ETF1: variants seen among roughly 807,000 people sequenced by gnomAD.
The protein encoded by ETF1 is eukaryotic peptide chain release factor subunit 1.
In ETF1, 4 loss-of-function variants were observed where a neutral mutation model predicts 55.1. The ratio of observed to expected loss-of-function variants is 0.07; its 90% CI spans 0.04 to 0.17. ETF1 has a LOEUF of 0.17. Ranked by LOEUF, ETF1 falls within the 10% of genes least tolerant of loss-of-function variation. The pLI is 1.00. For missense variants in ETF1, 142 were observed against 523.6 expected (o/e 0.27, Z 7.11); for synonymous variants, 157 against 182.3 (o/e 0.86, Z 1.12).
chr5:138,536,423 A>ATCATCAT (rs1765933101), intron 2 of ETF1, among the ~76,000 whole-genome samples: 1 of 152,156 alleles, frequency 6.6e-6, no homozygotes. Flanking sequence ...CATAAGATAA[A>ATCATCAT]ACCGTATCAG....
intron 4 of ETF1, among the ~76,000 whole-genome samples, chr5:138,516,679 T>C (rs964435677): frequency 6.6e-6 from 1 of 152,194 alleles, no homozygotes; most frequent in East Asian, 1.9e-4. Flanking sequence ...TAAATGTAAA[T>C]TGCCTTACTT....
intron 2 of ETF1, among the ~76,000 whole-genome samples, chr5:138,521,515 C>T (rs954838033): frequency 6.6e-6 from 1 of 152,056 alleles, no homozygotes; most frequent in Non-Finnish European, 1.5e-5. Flanking sequence ...ACTACTTAGT[C>T]CATTTATAAC....
At chr5:138,540,316 C>T (rs918353116) in intron 2 of ETF1, among the ~76,000 whole-genome samples, 1 of 152,176 alleles carries the variant, frequency 6.6e-6, no homozygotes, top group Non-Finnish European at 1.5e-5. Context: ...TGCCTGAAAA[C>T]CTCAGTTTCC....
intron 2 of ETF1, among the ~76,000 whole-genome samples, chr5:138,535,394 G>A (rs1219451053): frequency 3.3e-5 from 5 of 151,590 alleles, no homozygotes; most frequent in East Asian, 2.0e-4. Flanking sequence ...GCAGTGGCAC[G>A]ATCTCGGCTC....
chr5:138,509,671 G>T (rs1292321705), intron 9 of ETF1, among the ~76,000 whole-genome samples: 1 of 151,600 alleles, frequency 6.6e-6, no homozygotes, highest in African/African-American at 2.4e-5. Flanking sequence ...AAGGCAGGTG[G>T]ATCACCTGAG....
rs1001932610 is a variant in ETF1 at position 138,510,963 on chromosome 5, A to C, written c.1018+82T>G. 4 of 1,556,392 alleles carry C rather than the reference A, an allele frequency of 2.6e-6. No homozygotes were observed. In the Admixed American group the frequency reaches 7.6e-5, roughly 29 times the overall value. On this transcript the variant is annotated intron_variant, in intron 8 of 10. Coordinates refer to ENST00000360541, the MANE Select transcript of ETF1 (RefSeq NM_004730.4). ...TAGATCTACCTTCTGATTGCTCCTGAAATCAGCCATCCCTCCCAAATCTCC... is the reference window on the plus strand; with the variant it reads ...TAGATCTACCTTCTGATTGCTCCTGCAATCAGCCATCCCTCCCAAATCTCC...
intron 6 of ETF1, among the ~76,000 whole-genome samples, chr5:138,512,259 T>TATTA (rs57032066): frequency 6.3e-5 from 1 of 15,796 alleles, no homozygotes; most frequent in African/African-American, 2.9e-4. Context: ...TATATATATA[T>TATTA]TTTTTTTTTT....
Position 138,512,253 on chromosome 5 carries a change from TA to T in ETF1, c.732+510del, listed in dbSNP as rs1452645234. Among the ~76,000 whole-genome samples the T allele has an allele frequency of 2.5e-3, 31 of 12,164 alleles. 1 individual carries two copies. Among genetic ancestry groups the T allele is most frequent in the African/African-American group, 0.01 (31 of 3,082 alleles). The allele number at this position is 12,164 out of a possible 152,430, so 8.0% of individuals were successfully genotyped here. ...ATATATATATATATATATATATATA[TA>T]TATATTTTTTTTTTTTTTTAAAGGC... On this transcript the variant is annotated intron_variant, in intron 6 of 10. Coordinates refer to ENST00000360541, the MANE Select transcript of ETF1 (RefSeq NM_004730.4).
intron 2 of ETF1, among the ~76,000 whole-genome samples, chr5:138,521,807 G>T (rs945677803): frequency 6.6e-6 from 1 of 152,224 alleles, no homozygotes; most frequent in African/African-American, 2.4e-5. Context: ...TGGGATTACA[G>T]GCGTGAGCCA....
At chr5:138,525,641 C>T (rs530050057) in intron 2 of ETF1, among the ~76,000 whole-genome samples, 2 of 152,092 alleles carry the variant, frequency 1.3e-5, no homozygotes, top group African/African-American at 4.8e-5. Flanking sequence ...AACCGAAGCA[C>T]ACTAAAAAAT....
At chr5:138,512,542 A>G (rs915067441) in intron 6 of ETF1, among the ~76,000 whole-genome samples, 5 of 152,106 alleles carry the variant, frequency 3.3e-5, no homozygotes, top group Admixed American at 3.3e-4. Flanking sequence ...CACAGGATCC[A>G]TAAGAAGCCC....
At chr5:138,512,070 C>CAT (rs1397620122) in intron 6 of ETF1, 1 of 158,744 alleles carries the variant, frequency 6.3e-6, no homozygotes. Flanking sequence ...CATGGTGACA[C>CAT]ATCCCTGTAG....
intron 2 of ETF1, among the ~76,000 whole-genome samples, chr5:138,528,936 C>A (rs1461603522): frequency 6.6e-6 from 1 of 152,008 alleles, no homozygotes; most frequent in Non-Finnish European, 1.5e-5. Flanking sequence ...CACCTGTGGT[C>A]AGGAGTTTGA....
chr5:138,524,793 G>T (rs1014149287), intron 2 of ETF1, among the ~76,000 whole-genome samples: 1 of 151,862 alleles, frequency 6.6e-6, no homozygotes, highest in East Asian at 1.9e-4. Flanking sequence ...GGCCAGGATG[G>T]TCTTGATCTC....
At chr5:138,526,198 T>A (rs946685445) in intron 2 of ETF1, among the ~76,000 whole-genome samples, 1 of 152,092 alleles carries the variant, frequency 6.6e-6, no homozygotes, top group Non-Finnish European at 1.5e-5. Flanking sequence ...CAGAGTCCAG[T>A]GGAAGCTGGC....
In ETF1 at chr5:138,543,124, G is replaced by T; in HGVS notation, c.-46C>A. 1.7e-6 allele frequency: 1 copy of T among 592,378 alleles called. No individual in the cohort carries two copies. The highest frequency in any genetic ancestry group is 2.9e-6 in the Non-Finnish European group (1 of 342,034). The allele number at this position is 592,378 out of a possible 1,614,324, so 36.7% of individuals were successfully genotyped here. ...AAGGGCCCAGTCCTGGGCGGCAGCGGCTGCTCCTCCCCGGCGGCGGCTCCG... is the reference window on the plus strand; with the variant it reads ...AAGGGCCCAGTCCTGGGCGGCAGCGTCTGCTCCTCCCCGGCGGCGGCTCCG... On this transcript the variant is annotated 5_prime_UTR_variant, in exon 1 of 11. Coordinates refer to ENST00000360541, the MANE Select transcript of ETF1 (RefSeq NM_004730.4).
intron 2 of ETF1, among the ~76,000 whole-genome samples, chr5:138,520,869 C>A (rs1024277490): frequency 1.3e-5 from 2 of 152,072 alleles, no homozygotes; most frequent in South Asian, 4.1e-4. Flanking sequence ...GAAATTGGAA[C>A]CCTTGTGCAT....
At chr5:138,510,422 G>T in intron 9 of ETF1, 143 bp downstream of exon 9, 20 of 306,930 alleles carry the variant, frequency 6.5e-5, no homozygotes, top group East Asian at 4.5e-4. Flanking sequence ...AGATTCGTAT[G>T]TGGCAGATAG....
intron 6 of ETF1, among the ~76,000 whole-genome samples, chr5:138,512,172 T>C (rs1344216797): frequency 4.8e-5 from 5 of 104,042 alleles, no homozygotes; most frequent in African/African-American, 1.9e-4. Flanking sequence ...CACTCCAGCC[T>C]AGGCAAGATA....
Sources: allele counts gnomAD v4.1 joint callset (sites outside exome capture counted in the v4.1 genomes callset), GRCh38; gene constraint gnomAD v4.1.1; transcripts MANE v1.5; gene names NCBI Gene and HGNC (gene_info 2026-07-23, HGNC 2026-07-21).